PITPNC1: variants seen among roughly 807,000 people sequenced by gnomAD.
The protein encoded by PITPNC1 is cytoplasmic phosphatidylinositol transfer protein 1.
In PITPNC1, 18 loss-of-function variants were observed where a neutral mutation model predicts 44.7. That is an observed-to-expected ratio of 0.40 (90% confidence interval 0.28 to 0.60). The LOEUF is 0.60. Among genes scored for constraint, PITPNC1 ranks in the 20% least tolerant of loss-of-function variants. The pLI is 0.39. For missense variants in PITPNC1, 290 were observed against 418.4 expected, an observed-to-expected ratio of 0.69 and a Z score of 2.68; for synonymous variants, 141 against 149.6, an observed-to-expected ratio of 0.94 and a Z score of 0.42.
chr17:67,477,877 T>C (rs2039652612), intron 1 of PITPNC1, among the ~76,000 whole-genome samples: 1 of 151,894 alleles, frequency 6.6e-6, no homozygotes, highest in East Asian at 1.9e-4. Flanking sequence ...GCCAGCTGAG[T>C]GTTCCACAGC....
At chr17:67,407,221 T>C (rs2038414339) in intron 1 of PITPNC1, among the ~76,000 whole-genome samples, 1 of 152,250 alleles carries the variant, frequency 6.6e-6, no homozygotes, top group African/African-American at 2.4e-5. Context: ...TGTGAAGTGG[T>C]ATCTCATTGT....
chr17:67,406,038 C>T, intron 1 of PITPNC1, among the ~76,000 whole-genome samples: 1 of 152,244 alleles, frequency 6.6e-6, no homozygotes, highest in African/African-American at 2.4e-5. Context: ...ATTCACATGC[C>T]ACAAAATTCA....
chr17:67,605,380 G>C (rs906346551), intron 5 of PITPNC1, among the ~76,000 whole-genome samples: 1 of 152,176 alleles, frequency 6.6e-6, no homozygotes, highest in Admixed American at 6.6e-5. Context: ...TGGTCTGCAA[G>C]ACCTTGGACT....
chr17:67,587,981 A>G (rs556685827), intron 5 of PITPNC1, among the ~76,000 whole-genome samples: 4 of 152,108 alleles, frequency 2.6e-5, no homozygotes, highest in African/African-American at 4.8e-5. Flanking sequence ...TGCTATGACA[A>G]TAGCCATCGT....
intron 5 of PITPNC1, among the ~76,000 whole-genome samples, chr17:67,591,359 GC>G (rs563664869): frequency 6.6e-6 from 1 of 152,312 alleles, no homozygotes; most frequent in South Asian, 2.1e-4. Flanking sequence ...GAGAAAAAGA[GC>G]CCAAAGGATA....
rs534839337 is a variant in PITPNC1 at position 67,587,346 on chromosome 17, T to G, written c.366+9089T>G. On this transcript the variant is annotated intron_variant, in intron 5 of 8. Coordinates refer to ENST00000581322, the MANE Select transcript of PITPNC1 (RefSeq NM_012417.4). ...CTACAAAAAAAAAAAAAAATTTAATTAGCTGGACATGGTGGCACACACCTG... is the reference window on the plus strand; with the variant it reads ...CTACAAAAAAAAAAAAAAATTTAATGAGCTGGACATGGTGGCACACACCTG... Among the ~76,000 whole-genome samples the G allele has an allele frequency of 1.0e-3, 155 of 151,924 alleles. 1 individual carries two copies. The highest frequency in any genetic ancestry group is 1.6e-3 in the Non-Finnish European group (106 of 67,946).
chr17:67,503,443 A>T (rs2040062047), intron 1 of PITPNC1, among the ~76,000 whole-genome samples: 1 of 152,020 alleles, frequency 6.6e-6, no homozygotes, highest in South Asian at 2.1e-4. Flanking sequence ...CTTGACGGGG[A>T]GGGAGGGGGC....
At chr17:67,472,363 A>G (rs1413277129) in intron 1 of PITPNC1, among the ~76,000 whole-genome samples, 1 of 131,284 alleles carries the variant, frequency 7.6e-6, no homozygotes, top group African/African-American at 3.1e-5. Context: ...AAAAAAAAAA[A>G]AGGACCGGGT....
chr17:67,500,418 G>A (rs1240121424), intron 1 of PITPNC1, among the ~76,000 whole-genome samples: 1 of 152,134 alleles, frequency 6.6e-6, no homozygotes, highest in Non-Finnish European at 1.5e-5. Context: ...CATATTACAT[G>A]ATTCCATTTA....
chr17:67,557,770 C>T (rs2040858555), intron 4 of PITPNC1, among the ~76,000 whole-genome samples: 1 of 152,232 alleles, frequency 6.6e-6, no homozygotes, highest in African/African-American at 2.4e-5. Context: ...ATGACAGATG[C>T]TTTCAGTTGC....
intron 1 of PITPNC1, among the ~76,000 whole-genome samples, chr17:67,425,728 T>G (rs907846348): frequency 6.6e-6 from 1 of 152,006 alleles, no homozygotes; most frequent in African/African-American, 2.4e-5. Flanking sequence ...GGGGTCTCAC[T>G]GTGTTGCCCA....
In PITPNC1 at chr17:67,465,592, C is replaced by T. The variant is rs181256506; in HGVS notation, c.49-67210C>T. On this transcript the variant is annotated intron_variant, in intron 1 of 8. Transcript: ENST00000581322. ...TCTTCATAGGATCCAGGAGCTGTCA[C>T]CCACGAATGACAGAGCCCCTGCACT... 7.6e-4 allele frequency among the ~76,000 whole-genome samples: 116 copies of T among 152,228 alleles called. 1 individual carries two copies. The East Asian group carries it at 0.015, about 20-fold the overall frequency.
intron 4 of PITPNC1, among the ~76,000 whole-genome samples, chr17:67,565,033 C>T (rs1262161985): frequency 6.7e-6 from 1 of 150,300 alleles, no homozygotes. Context: ...TGTGTATACT[C>T]GTTTGCCATG....
chr17:67,452,592 A>T lies in PITPNC1; in HGVS notation c.48+74390A>T, dbSNP rs188803667. Among the ~76,000 whole-genome samples, 568 of 149,216 alleles carry T rather than the reference A, an allele frequency of 3.8e-3. 3 individuals carry two copies. The highest frequency in any genetic ancestry group is 0.013 in the African/African-American group (539 of 40,376). ...ACTGCAACCTCCTCCTCCTGGGTTC[A>T]AGTGATTCACCTGCCTCAGCCTCCC... On this transcript the variant is annotated intron_variant, in intron 1 of 8. Coordinates refer to ENST00000581322, the MANE Select transcript of PITPNC1 (RefSeq NM_012417.4).
Position 67,693,096 on chromosome 17 carries a change from G to C in PITPNC1, c.*208G>C. ...ATATTAGATGTAAGATGTAAGACTT[G>C]CAAAGGACAGAAGGAATCTTCTGTA... On this transcript the variant is annotated 3_prime_UTR_variant, in exon 9 of 9. Coordinates refer to ENST00000581322, the MANE Select transcript of PITPNC1 (RefSeq NM_012417.4). 3.7e-6 allele frequency: 2 copies of C among 535,834 alleles called. No individual in the cohort carries two copies. The highest frequency in any genetic ancestry group is 3.5e-5 in the Admixed American group (1 of 28,392). The allele number at this position is 535,834 out of a possible 1,614,324, so 33.2% of individuals were successfully genotyped here. A position where few individuals can be genotyped will look rare whatever the true frequency, so the allele number is the denominator to read the frequency against.
At chr17:67,586,131 A>AG (rs1380326441) in intron 5 of PITPNC1, among the ~76,000 whole-genome samples, 2 of 152,134 alleles carry the variant, frequency 1.3e-5, no homozygotes, top group African/African-American at 4.8e-5. Flanking sequence ...GCAGGAACTG[A>AG]GGTTGAAAAT....
intron 1 of PITPNC1, among the ~76,000 whole-genome samples, chr17:67,380,693 T>C (rs1666759417): frequency 1.3e-5 from 2 of 152,316 alleles, no homozygotes; most frequent in South Asian, 4.1e-4. Context: ...CCTTTTCCAC[T>C]GACCCTTTTT....
intron 1 of PITPNC1, among the ~76,000 whole-genome samples, chr17:67,499,040 T>A (rs2039993641): frequency 6.6e-6 from 1 of 151,804 alleles, no homozygotes; most frequent in Admixed American, 6.6e-5. Context: ...CCTGGCTAAT[T>A]TTTTTGTATT....
intron 6 of PITPNC1, among the ~76,000 whole-genome samples, chr17:67,636,944 TA>T (rs1416147767): frequency 1.3e-5 from 2 of 152,164 alleles, no homozygotes; most frequent in African/African-American, 4.8e-5. Flanking sequence ...GGCCCTCCTT[TA>T]GAGTTCAGCT....
Sources: allele counts gnomAD v4.1 joint callset (sites outside exome capture counted in the v4.1 genomes callset), GRCh38; gene constraint gnomAD v4.1.1; transcripts MANE v1.5; gene names NCBI Gene and HGNC (gene_info 2026-07-23, HGNC 2026-07-21).